ZBTB7C: variants seen among roughly 807,000 people sequenced by gnomAD.
The protein encoded by ZBTB7C is zinc finger and BTB domain containing 7C.
ZBTB7C carries 8 observed loss-of-function variants against 25.7 expected under a neutral mutation model. The ratio of observed to expected loss-of-function variants is 0.31; its 90% CI spans 0.18 to 0.56. ZBTB7C has a LOEUF of 0.56. Ranked by LOEUF, ZBTB7C falls within the 20% of genes least tolerant of loss-of-function variation. The pLI is 0.91. For synonymous variants in ZBTB7C, 394 were observed against 369.0 expected (o/e 1.07, Z -0.78); for missense variants, 824 against 855.2 (o/e 0.96, Z 0.46).
chr18:48,209,504 C>T (rs1399376884), intron 2 of ZBTB7C, among the ~76,000 whole-genome samples: 1 of 152,132 alleles, frequency 6.6e-6, no homozygotes, highest in Non-Finnish European at 1.5e-5. Context: ...CCCGTAATCC[C>T]AGCACTTTGG....
chr18:48,134,153 C>T (rs573038601), intron 3 of ZBTB7C, among the ~76,000 whole-genome samples: 2 of 146,790 alleles, frequency 1.4e-5, no homozygotes, highest in South Asian at 4.3e-4. Flanking sequence ...TAGCAGAAGT[C>T]GGTAACAATT....
chr18:48,276,932 T>C (rs1475396426), intron 2 of ZBTB7C, among the ~76,000 whole-genome samples: 1 of 142,944 alleles, frequency 7.0e-6, no homozygotes, highest in African/African-American at 2.6e-5. Context: ...GTAAAAGTGT[T>C]CCTATTTCTC....
At chr18:48,313,252 T>C (rs538996084) in intron 2 of ZBTB7C, among the ~76,000 whole-genome samples, 1 of 152,258 alleles carries the variant, frequency 6.6e-6, no homozygotes, top group East Asian at 1.9e-4. Flanking sequence ...TCATAGGAAA[T>C]GGAAACCCTA....
At chr18:48,055,862 A>G (rs1486214148) in intron 3 of ZBTB7C, among the ~76,000 whole-genome samples, 1 of 152,058 alleles carries the variant, frequency 6.6e-6, no homozygotes, top group Non-Finnish European at 1.5e-5. Flanking sequence ...AAATATTCTC[A>G]AGGCAGGAGA....
chr18:48,062,296 G>C (rs1229572592), intron 3 of ZBTB7C, among the ~76,000 whole-genome samples: 1 of 152,126 alleles, frequency 6.6e-6, no homozygotes, highest in Non-Finnish European at 1.5e-5. Context: ...TCCCCAGAAG[G>C]GGAGAGGAGA....
chr18:48,302,291 T>A (rs1416577289), intron 2 of ZBTB7C, among the ~76,000 whole-genome samples: 3 of 152,182 alleles, frequency 2.0e-5, no homozygotes, highest in African/African-American at 7.2e-5. Context: ...TCAGATACTT[T>A]AAACTGAAGA....
intron 2 of ZBTB7C, among the ~76,000 whole-genome samples, chr18:48,191,519 G>A (rs1000044048): frequency 2.0e-5 from 3 of 152,262 alleles, no homozygotes; most frequent in African/African-American, 4.8e-5. Flanking sequence ...TTTTCCCTGG[G>A]AGGTGAGCTC....
At chr18:48,070,230 C>T (rs1206843084) in intron 3 of ZBTB7C, among the ~76,000 whole-genome samples, 1 of 152,214 alleles carries the variant, frequency 6.6e-6, no homozygotes, top group Non-Finnish European at 1.5e-5. Context: ...AAGTGTCAGC[C>T]ACAATGAGTT....
intron 3 of ZBTB7C, among the ~76,000 whole-genome samples, chr18:48,157,548 C>T (rs1467390050): frequency 6.6e-6 from 1 of 152,168 alleles, no homozygotes; most frequent in Non-Finnish European, 1.5e-5. Context: ...GAAACAGAGA[C>T]CCAGTTGGTT....
chr18:48,091,379 G>C (rs2038410769), intron 3 of ZBTB7C, among the ~76,000 whole-genome samples: 1 of 151,138 alleles, frequency 6.6e-6, no homozygotes, highest in Non-Finnish European at 1.5e-5. Flanking sequence ...CACCATGCTT[G>C]GCCCTAAATA....
rs79049052 is a variant in ZBTB7C at position 48,245,090 on chromosome 18, G to A, written c.-78-59095C>T. Among the ~76,000 whole-genome samples the A allele has an allele frequency of 2.8e-3, 313 of 110,194 alleles. 5 individuals are homozygous for A. The highest frequency in any genetic ancestry group is 8.1e-3 in the South Asian group (25 of 3,098). The allele number at this position is 110,194 out of a possible 152,430, so 72.3% of individuals were successfully genotyped here. ...GTGGAAAAAAAAGTAGTGTGTGTGT[G>A]TGTATATATATATACACACACACAC... is the stretch of plus-strand genomic sequence containing the variant. On this transcript the variant is annotated intron_variant, in intron 2 of 4. Transcript: ENST00000590800.
At chr18:48,103,281 A>G (rs2038914955) in intron 3 of ZBTB7C, among the ~76,000 whole-genome samples, 2 of 151,974 alleles carry the variant, frequency 1.3e-5, no homozygotes. Context: ...GAAGACAAAG[A>G]TTCGGGGAAA....
At chr18:48,378,573 A>C (rs1002760018) in intron 1 of ZBTB7C, among the ~76,000 whole-genome samples, 4 of 152,228 alleles carry the variant, frequency 2.6e-5, no homozygotes, top group Non-Finnish European at 4.4e-5. Context: ...GCACTCGGAG[A>C]TTTTTAAATA....
At chr18:48,041,228 C>A in intron 3 of ZBTB7C, 105 bp from the exon 4 acceptor site, 1 of 1,444,702 alleles carries the variant, frequency 6.9e-7, no homozygotes, top group South Asian at 1.5e-5. Context: ...GGCTCCCTGT[C>A]CACTGCAAGG....
At chr18:48,113,278 C>T (rs910211747) in intron 3 of ZBTB7C, among the ~76,000 whole-genome samples, 7 of 152,172 alleles carry the variant, frequency 4.6e-5, no homozygotes, top group Non-Finnish European at 1.0e-4. Flanking sequence ...GGAGATAATA[C>T]CCCCTGGTCT....
intron 3 of ZBTB7C, among the ~76,000 whole-genome samples, chr18:48,166,049 T>C (rs1231639369): frequency 2.0e-5 from 3 of 152,116 alleles, no homozygotes; most frequent in Admixed American, 2.0e-4. Flanking sequence ...GGAGAATAAT[T>C]TTTTTTTAAA....
At chr18:48,133,264 A>G (rs117814741) in intron 3 of ZBTB7C, among the ~76,000 whole-genome samples, 2,102 of 152,306 alleles carry the variant, frequency 0.014, 28 homozygotes, top group Admixed American at 0.024. Context: ...AGGGAGGTGC[A>G]TGGGTGCGGA....
intron 3 of ZBTB7C, among the ~76,000 whole-genome samples, chr18:48,052,570 A>C: frequency 6.6e-6 from 1 of 152,164 alleles, no homozygotes; most frequent in Non-Finnish European, 1.5e-5. Flanking sequence ...CACCAGGCAG[A>C]AAGGAAAGCA....
intron 1 of ZBTB7C, among the ~76,000 whole-genome samples, chr18:48,354,187 TTTTGTTTG>T (rs891876529): frequency 6.6e-6 from 1 of 152,130 alleles, no homozygotes; most frequent in East Asian, 1.9e-4. Flanking sequence ...GTTTTGTGGT[TTTTGTTTG>T]TTTGTTTGTT....
Sources: allele counts gnomAD v4.1 joint callset (sites outside exome capture counted in the v4.1 genomes callset), GRCh38; gene constraint gnomAD v4.1.1; transcripts MANE v1.5; gene names NCBI Gene and HGNC (gene_info 2026-07-23, HGNC 2026-07-21).